RELN: variants seen among roughly 807,000 people sequenced by gnomAD.
The protein encoded by RELN is reelin.
RELN carries 108 observed loss-of-function variants against 427.6 expected under a neutral mutation model. The observed-to-expected ratio is 0.25, with a 90% CI of 0.22 to 0.30. The LOEUF (loss-of-function observed/expected upper bound fraction) is 0.30, where lower values mean the gene tolerates loss of function less well. Among genes scored for constraint, RELN ranks in the 10% least tolerant of loss-of-function variants. RELN has a pLI of 1.00. For synonymous variants in RELN, 1,524 were observed against 1,513.4 expected, an observed-to-expected ratio of 1.01 and a Z score of -0.16; for missense variants, 3,715 against 4,302.8, an observed-to-expected ratio of 0.86 and a Z score of 3.82.
rs1228732186 is a variant in RELN at position 103,591,714 on chromosome 7, G to T, written c.3913-1886C>A. Among the ~76,000 whole-genome samples, 4 of 152,104 alleles carry T rather than the reference G, an allele frequency of 2.6e-5. No homozygotes were observed. In the South Asian group the frequency reaches 8.3e-4, roughly 32 times the overall value. On this transcript the variant is annotated intron_variant, in intron 27 of 64. Coordinates refer to ENST00000428762, the MANE Select transcript of RELN (RefSeq NM_005045.4). ...TTGTCTTAAATTTGCCATGATTGCT[G>T]TTGTTTCTAACACAGACAAGTGGTT...
intron 11 of RELN, among the ~76,000 whole-genome samples, chr7:103,679,194 T>C (rs1833602674): frequency 6.6e-6 from 1 of 152,144 alleles, no homozygotes; most frequent in South Asian, 2.1e-4. Flanking sequence ...ACACTATGGA[T>C]TAAACTATCA....
At chr7:103,525,636 G>A (rs972744439) in intron 46 of RELN, among the ~76,000 whole-genome samples, 32 of 151,500 alleles carry the variant, frequency 2.1e-4, no homozygotes, top group Non-Finnish European at 4.4e-5. Context: ...TTAACATAGC[G>A]GAATACCATA....
intron 2 of RELN, among the ~76,000 whole-genome samples, chr7:103,879,244 A>G (rs1053808857): frequency 6.6e-6 from 1 of 152,156 alleles, no homozygotes; most frequent in African/African-American, 2.4e-5. Flanking sequence ...CTTTCAAAGT[A>G]TTTTTTAATA....
intron 2 of RELN, among the ~76,000 whole-genome samples, chr7:103,864,811 C>T (rs902509708): frequency 2.0e-5 from 3 of 151,410 alleles, no homozygotes; most frequent in Admixed American, 6.6e-5. Flanking sequence ...CTTAGCCAGA[C>T]TAAGAAAAAG....
chr7:103,560,179 G>C (rs111286871), intron 36 of RELN, among the ~76,000 whole-genome samples: 87 of 152,234 alleles, frequency 5.7e-4, no homozygotes, highest in African/African-American at 2.1e-3. Flanking sequence ...TTCAGGTTCA[G>C]TGATCCATTT....
At chr7:103,889,058 T>C (rs1044270013) in intron 2 of RELN, among the ~76,000 whole-genome samples, 10 of 152,186 alleles carry the variant, frequency 6.6e-5, no homozygotes, top group African/African-American at 1.9e-4. Flanking sequence ...CCAGCTCTGT[T>C]TCTGACGAGA....
intron 6 of RELN, among the ~76,000 whole-genome samples, chr7:103,742,858 A>G (rs11973365): frequency 0.017 from 2,653 of 152,322 alleles, 70 homozygotes; most frequent in African/African-American, 0.061. Context: ...ATCCAGGAGA[A>G]CTTCCCCAAT....
At chr7:103,648,337 C>T (rs1832839592) in intron 16 of RELN, among the ~76,000 whole-genome samples, 1 of 152,096 alleles carries the variant, frequency 6.6e-6, no homozygotes, top group South Asian at 2.1e-4. Context: ...GCCTGCTTCC[C>T]TTTGGCCTTC....
At chr7:103,924,739 A>G (rs958554710) in intron 1 of RELN, among the ~76,000 whole-genome samples, 1 of 152,174 alleles carries the variant, frequency 6.6e-6, no homozygotes, top group South Asian at 2.1e-4. Flanking sequence ...CCAGTAATAA[A>G]AGGAAATCCA....
chr7:103,630,652 G>A (rs899905665), intron 19 of RELN, among the ~76,000 whole-genome samples: 7 of 152,124 alleles, frequency 4.6e-5, no homozygotes, highest in Admixed American at 2.0e-4. Context: ...ACACAGCAGC[G>A]GGAACCATAT....
chr7:103,836,453 A>C (rs1226178981), intron 2 of RELN, among the ~76,000 whole-genome samples: 2 of 152,190 alleles, frequency 1.3e-5, no homozygotes, highest in African/African-American at 4.8e-5. Flanking sequence ...GAACATGTCC[A>C]TCATCATAGA....
At chr7:103,483,308 A>C (rs141398259) in intron 62 of RELN, among the ~76,000 whole-genome samples, 18 of 152,328 alleles carry the variant, frequency 1.2e-4, no homozygotes, top group Admixed American at 3.9e-4. Flanking sequence ...ATGACTGCTT[A>C]ACCTCAGTAA....
chr7:103,571,529 TC>T (rs1830881588), intron 31 of RELN, among the ~76,000 whole-genome samples: 1 of 152,162 alleles, frequency 6.6e-6, no homozygotes, highest in African/African-American at 2.4e-5. Flanking sequence ...GTGGTTTGAA[TC>T]CCTGCTCATC....
chr7:103,644,476 A>G (rs1336142822), intron 16 of RELN, among the ~76,000 whole-genome samples: 1 of 151,232 alleles, frequency 6.6e-6, no homozygotes, highest in Non-Finnish European at 1.5e-5. Flanking sequence ...CATTGAAGGA[A>G]TTACAAAACA....
rs202172902 is a variant in RELN, at chr7:103,519,428, G to A, written c.7757C>T (p.Thr2586Ile). ...AACACCTTGGTTACGGTTGTTTGGTGTAATCAGGCACCCATACATGAAGTA... is the reference window on the plus strand; with the variant it reads ...AACACCTTGGTTACGGTTGTTTGGTATAATCAGGCACCCATACATGAAGTA... ...QFYFMYGCLITPNNRNQGVLL... is the reference protein window; with the variant it reads ...QFYFMYGCLIIPNNRNQGVLL... Residue 2586 changes from threonine (T) to isoleucine (I), a missense_variant, in exon 49 of 65, where the codon ACA becomes ATA. Transcript: ENST00000428762. 1.0e-4 allele frequency: 164 copies of A among 1,613,266 alleles called. No homozygotes were observed. Among genetic ancestry groups the A allele is most frequent in the Non-Finnish European group, 1.3e-4 (156 of 1,179,356 alleles).
chr7:103,788,133 T>C (rs560189179), intron 3 of RELN, among the ~76,000 whole-genome samples: 2 of 152,116 alleles, frequency 1.3e-5, no homozygotes, highest in Non-Finnish European at 2.9e-5. Context: ...CGATAAAATT[T>C]AACACTGCTT....
intron 4 of RELN, 108 bp from the exon 5 acceptor site, chr7:103,753,322 C>G (rs750697885): frequency 5.9e-5 from 64 of 1,089,962 alleles, no homozygotes; most frequent in Non-Finnish European, 8.3e-5. Context: ...TTAAGCAAAT[C>G]AAATGGCTAC....
chr7:103,489,917 A>C lies in RELN; in HGVS notation c.9606-18T>G, dbSNP rs563706454. 1 of 1,613,872 alleles carries C rather than the reference A, an allele frequency of 6.2e-7. No individual in the cohort carries two copies. Among genetic ancestry groups the C allele is most frequent in the South Asian group, 1.1e-5 (1 of 91,056 alleles). On this transcript the variant is annotated intron_variant, in intron 59 of 64. Transcript: ENST00000428762. ...GTGTTGCACTGAAAGAACCACAGAG[A>C]GCAGAAGGGATTCAGTAGGTTGTTA...
chr7:103,562,728 C>G (rs544837682), intron 34 of RELN, among the ~76,000 whole-genome samples: 2 of 152,314 alleles, frequency 1.3e-5, no homozygotes, highest in Admixed American at 1.3e-4. Context: ...TACACAAGTT[C>G]TCCATGGATG....
Sources: allele counts gnomAD v4.1 joint callset (sites outside exome capture counted in the v4.1 genomes callset), GRCh38; gene constraint gnomAD v4.1.1; transcripts MANE v1.5; gene names NCBI Gene and HGNC (gene_info 2026-07-23, HGNC 2026-07-21).